The following PARN variants were observed in gnomAD, a reference collection of about 807,000 sequenced individuals.
PARN encodes poly(A)-specific ribonuclease, also known as poly(A)-specific ribonuclease PARN.
PARN carries 71 observed loss-of-function variants against 102.8 expected under a neutral mutation model. That is an observed-to-expected ratio of 0.69 (90% confidence interval 0.57 to 0.84). The LOEUF (loss-of-function observed/expected upper bound fraction) is 0.84. Ranked by LOEUF, PARN falls within the 40% of genes least tolerant of loss-of-function variation. The pLI is 0.00. For missense variants in PARN, 782 were observed against 760.9 expected, an observed-to-expected ratio of 1.03 and a Z score of -0.33; for synonymous variants, 261 against 252.9, an observed-to-expected ratio of 1.03 and a Z score of -0.30.
At chr16:14,577,659 T>C (rs1969227549) in intron 18 of PARN, among the ~76,000 whole-genome samples, 1 of 152,018 alleles carries the variant, frequency 6.6e-6, no homozygotes, top group Non-Finnish European at 1.5e-5. Flanking sequence ...ACTTACTTAC[T>C]TACTTACATT....
At chr16:14,568,049 G>A (rs569510522) in intron 18 of PARN, among the ~76,000 whole-genome samples, 1 of 152,282 alleles carries the variant, frequency 6.6e-6, no homozygotes, top group South Asian at 2.1e-4. Context: ...AGGGTCCTCA[G>A]CACAGAACAC....
At chr16:14,544,916 G>C (rs1966870785) in intron 21 of PARN, among the ~76,000 whole-genome samples, 2 of 152,358 alleles carry the variant, frequency 1.3e-5, no homozygotes, top group South Asian at 4.1e-4. Context: ...ACTGGGCACA[G>C]TGGCTCATGC....
intron 12 of PARN, among the ~76,000 whole-genome samples, chr16:14,597,726 T>C (rs1009997656): frequency 2.0e-5 from 3 of 151,842 alleles, no homozygotes; most frequent in Non-Finnish European, 4.4e-5. Context: ...ATCGACATCA[T>C]GAACCATCAT....
intron 21 of PARN, among the ~76,000 whole-genome samples, chr16:14,534,300 G>A (rs1966514910): frequency 6.6e-6 from 1 of 150,406 alleles, no homozygotes; most frequent in Non-Finnish European, 1.5e-5. Context: ...CAAAAATCTT[G>A]CAAAATACCT....
chr16:14,605,676 T>A (rs1431392459), intron 10 of PARN, among the ~76,000 whole-genome samples: 1 of 152,192 alleles, frequency 6.6e-6, no homozygotes, highest in Non-Finnish European at 1.5e-5. Context: ...TCTAATTTTA[T>A]ACCTGACTTA....
chr16:14,534,764 A>C (rs572311582), intron 21 of PARN, among the ~76,000 whole-genome samples: 1 of 152,308 alleles, frequency 6.6e-6, no homozygotes, highest in East Asian at 1.9e-4. Flanking sequence ...TCCACTTCAC[A>C]AGCGGAAAGG....
intron 5 of PARN, among the ~76,000 whole-genome samples, chr16:14,621,443 C>T (rs1332195426): frequency 6.6e-6 from 1 of 152,140 alleles, no homozygotes; most frequent in African/African-American, 2.4e-5. Flanking sequence ...TACTTAATGC[C>T]ACTGAGCTAT....
chr16:14,485,372 T>C (rs1963613114), intron 21 of PARN, among the ~76,000 whole-genome samples: 1 of 152,234 alleles, frequency 6.6e-6, no homozygotes, highest in African/African-American at 2.4e-5. Flanking sequence ...CCACCCATTC[T>C]TCCATGTGGT....
intron 21 of PARN, among the ~76,000 whole-genome samples, chr16:14,518,955 G>C (rs1379555108): frequency 6.6e-6 from 1 of 152,064 alleles, no homozygotes; most frequent in Admixed American, 6.6e-5. Context: ...GATACACTAA[G>C]GTGGAAAGAA....
chr16:14,579,982 CAAA>C (rs534284469), intron 18 of PARN, among the ~76,000 whole-genome samples: 9 of 114,146 alleles, frequency 7.9e-5, no homozygotes, highest in African/African-American at 7.1e-5. Context: ...GACACCATCT[CAAA>C]AAAAAAAAAA....
chr16:14,599,342 C>T (rs745340730), intron 12 of PARN, among the ~76,000 whole-genome samples: 4 of 152,068 alleles, frequency 2.6e-5, no homozygotes, highest in Non-Finnish European at 2.9e-5. Context: ...TATGCCCGGC[C>T]GCCTGTTTTC....
intron 21 of PARN, among the ~76,000 whole-genome samples, chr16:14,536,509 T>C (rs1055542997): frequency 3.3e-5 from 5 of 152,208 alleles, no homozygotes; most frequent in Non-Finnish European, 7.4e-5. Context: ...GAGTGAATTA[T>C]GACTATGGCA....
chr16:14,498,108 G>A (rs575184262), intron 21 of PARN, among the ~76,000 whole-genome samples: 14 of 132,086 alleles, frequency 1.1e-4, no homozygotes, highest in African/African-American at 3.7e-4. Flanking sequence ...TGGCAATAGA[G>A]AGAGACTCCA....
At chr16:14,474,847 G>T (rs1962950211) in intron 22 of PARN, among the ~76,000 whole-genome samples, 2 of 152,222 alleles carry the variant, frequency 1.3e-5, no homozygotes, top group Admixed American at 1.3e-4. Flanking sequence ...GAATAAATGT[G>T]TAAGCACTTT....
At chr16:14,524,877 ACT>A (rs1965915820) in intron 21 of PARN, among the ~76,000 whole-genome samples, 1 of 152,116 alleles carries the variant, frequency 6.6e-6, no homozygotes, top group Non-Finnish European at 1.5e-5. Context: ...ATAAAATGAA[ACT>A]CTTATTTCCT....
intron 22 of PARN, among the ~76,000 whole-genome samples, chr16:14,447,967 T>C (rs745945034): frequency 1.3e-4 from 19 of 151,978 alleles, no homozygotes; most frequent in Non-Finnish European, 2.1e-4. Context: ...TCTATCTATC[T>C]ATCTATCTAT....
In PARN at chr16:14,630,210, G is replaced by T. The variant is rs1044186868; in HGVS notation, c.-85C>A. The T allele has an allele frequency of 2.4e-6, 3 of 1,249,632 alleles. No individual in the cohort carries two copies. Among genetic ancestry groups the T allele is most frequent in the Non-Finnish European group, 3.4e-6 (3 of 884,814 alleles). 77.4% of individuals were successfully genotyped at this position (1,249,632 alleles called of 1,614,324 possible). On this transcript the variant is annotated 5_prime_UTR_variant, in exon 1 of 24. Transcript: ENST00000437198. ...CTCGCCGAATTCCGCGGCGACTGCG[G>T]CAGTAGCTGAGGCAGCCGCAGCGGT...
intron 9 of PARN, 123 bp downstream of exon 9, chr16:14,608,158 T>C: frequency 1.4e-6 from 1 of 712,522 alleles, no homozygotes. Context: ...TAGGGGGAAC[T>C]TCATGTAGTC....
intron 11 of PARN, 137 bp downstream of exon 11, chr16:14,604,009 T>C (rs1971032135): frequency 1.4e-6 from 1 of 703,252 alleles, no homozygotes. Flanking sequence ...AGTCCAGGTT[T>C]TTCTGCCAAT....
Sources: allele counts gnomAD v4.1 joint callset (sites outside exome capture counted in the v4.1 genomes callset), GRCh38; gene constraint gnomAD v4.1.1; transcripts MANE v1.5; gene names NCBI Gene and HGNC (gene_info 2026-07-23, HGNC 2026-07-21).